Variants in CUBN observed in about 807,000 individuals in gnomAD.
CUBN encodes cubilin, also known as 460 kDa receptor.
CUBN carries 282 observed loss-of-function variants against 405.3 expected under a neutral mutation model. That is an observed-to-expected ratio of 0.70 (90% CI 0.63 to 0.77). The LOEUF is 0.77. Ranked by LOEUF, CUBN falls within the 30% of genes least tolerant of loss-of-function variation. The probability of loss-of-function intolerance (pLI) is 0.00; values close to 1 mark genes in which losing one functional copy is unlikely to be tolerated. For synonymous variants in CUBN, 1,684 were observed against 1,617.0 expected, an observed-to-expected ratio of 1.04 and a Z score of -0.99; for missense variants, 4,514 against 4,475.2, an observed-to-expected ratio of 1.01 and a Z score of -0.25.
At position 17,045,073 on chromosome 10, in the gene CUBN, T is replaced by C; in HGVS notation, c.3606A>G (p.Ala1202=). ...GAAAGTCTTTGAATTCCAGTTCAAA[T>C]GCGCTGCCGTGGCTAGATTTCAACC... ...YWWLKSSHGS[A]FELEFKDFHL... is the part of the protein sequence containing the mutation. The change falls in exon 25 of 67, where the codon GCA becomes GCG. Residue 1202 remains alanine, a synonymous_variant. Transcript: ENST00000377833. 6.2e-7 allele frequency: 1 copy of C among 1,614,094 alleles called. No individual in the cohort carries two copies. The highest frequency in any genetic ancestry group is 1.1e-5 in the South Asian group (1 of 91,078).
At chr10:16,851,998 CTCTA>C (rs1260621171) in intron 59 of CUBN, among the ~76,000 whole-genome samples, 1 of 125,092 alleles carries the variant, frequency 8.0e-6, no homozygotes, top group Non-Finnish European at 1.7e-5. Flanking sequence ...CCCTCCCTCC[CTCTA>C]TCTTTGCCTC....
rs1833349583 is a variant in CUBN, at chr10:16,983,989, C to T, written c.4525+116G>A. 3.5e-5 allele frequency: 41 copies of T among 1,169,376 alleles called. No individual in the cohort carries two copies. In the South Asian group the frequency reaches 3.8e-4, roughly 11 times the overall value. 72.4% of individuals were successfully genotyped at this position (1,169,376 alleles called of 1,614,324 possible). On this transcript the variant is annotated intron_variant, in intron 30 of 66. Transcript: ENST00000377833. Reference sequence around the variant, plus strand: ...ATATGTCAGGTCTCAGTAGGCTGCCCTTTGGGATGTCACTAAGTTATAAGT... The same window carrying T: ...ATATGTCAGGTCTCAGTAGGCTGCCTTTTGGGATGTCACTAAGTTATAAGT...
chr10:16,860,342 T>C (rs1456927794), intron 59 of CUBN, among the ~76,000 whole-genome samples: 1 of 152,094 alleles, frequency 6.6e-6, no homozygotes, highest in African/African-American at 2.4e-5. Flanking sequence ...AAGAAAGCTA[T>C]GGAAGTTATA....
chr10:16,837,345 A>C (rs1839203672), intron 62 of CUBN, among the ~76,000 whole-genome samples: 1 of 151,894 alleles, frequency 6.6e-6, no homozygotes, highest in South Asian at 2.1e-4. Context: ...CACATTCCTC[A>C]CTGCAGCTTC....
At chr10:16,918,427 G>A (rs550031239) in intron 45 of CUBN, among the ~76,000 whole-genome samples, 195 bp downstream of exon 45, 8 of 152,022 alleles carry the variant, frequency 5.3e-5, no homozygotes, top group Admixed American at 1.3e-4. Flanking sequence ...CCATGAGCAC[G>A]GAATTTTCTT....
chr10:17,014,033 G>A (rs993981639), intron 28 of CUBN, among the ~76,000 whole-genome samples: 19 of 152,286 alleles, frequency 1.2e-4, no homozygotes, highest in Admixed American at 6.5e-5. Context: ...CTGAAGCACT[G>A]GTCCCTCAAG....
At chr10:17,026,501 C>T (rs1222336079) in intron 27 of CUBN, among the ~76,000 whole-genome samples, 1 of 151,950 alleles carries the variant, frequency 6.6e-6, no homozygotes, top group East Asian at 1.9e-4. Context: ...GGTGTGGTGG[C>T]GTACGCCTGT....
Position 17,123,681 on chromosome 10 carries a change from G to C in CUBN, c.396C>G (p.Asp132Glu), listed in dbSNP as rs553801820. Residue 132 changes from aspartate to glutamate, a missense_variant, in exon 5 of 67, where the codon GAC (aspartate) becomes GAG (glutamate). Asp to Glu is a conservative substitution (Grantham distance 45). This residue lies in a region of CUBN where 1,448 missense variants were observed against 1,388.0 expected (regional missense o/e 1.04). Transcript: ENST00000377833. ...RKFQGLQQTV[D>E]KKVCSSNPCQ... ...AAGGATTGCTGCTGCAAACCTTTTTGTCAACAGTCTGAAACAAAAACAGGA... is the reference window on the plus strand; with the variant it reads ...AAGGATTGCTGCTGCAAACCTTTTTCTCAACAGTCTGAAACAAAAACAGGA... 3 of 1,613,298 alleles carry C rather than the reference G, an allele frequency of 1.9e-6. No homozygotes were observed. The African/African-American group carries it at 4.0e-5, about 22-fold the overall frequency.
At chr10:16,932,497 C>G (rs1477135778) in intron 40 of CUBN, among the ~76,000 whole-genome samples, 1 of 152,032 alleles carries the variant, frequency 6.6e-6, no homozygotes, top group Non-Finnish European at 1.5e-5. Context: ...TGCCTGTGTA[C>G]AAAGGAAAGA....
intron 31 of CUBN, among the ~76,000 whole-genome samples, chr10:16,980,094 T>G (rs1833220153): frequency 6.6e-6 from 1 of 151,906 alleles, no homozygotes; most frequent in Middle Eastern, 3.4e-3. Context: ...AAAAAAAAAG[T>G]TCACCATCAC....
In CUBN at chr10:17,103,246, G is replaced by T. The variant is rs779016475; in HGVS notation, c.1418-9C>A. The T allele has an allele frequency of 3.9e-6, 6 of 1,537,578 alleles. No homozygotes were observed. Among genetic ancestry groups the T allele is most frequent in the Non-Finnish European group, 5.4e-6 (6 of 1,110,424 alleles). ...GAGGGACTCTCCACAAACTGCAAAG[G>T]AAAAGATGAACTGTGCTTTTCAGAG... On this transcript the variant is annotated splice_polypyrimidine_tract_variant and intron_variant, in intron 12 of 66. Coordinates refer to ENST00000377833, the MANE Select transcript of CUBN (RefSeq NM_001081.4).
At position 17,111,606 on chromosome 10, in the gene CUBN, A is replaced by G. The variant is rs546119088; in HGVS notation, c.884-556T>C. Reference sequence around the variant, plus strand: ...CATTTGCATACACACACATTGAAAGAATTTTTGTATATACATTAATTAAAA... The same window carrying G: ...CATTTGCATACACACACATTGAAAGGATTTTTGTATATACATTAATTAAAA... On this transcript the variant is annotated intron_variant, in intron 8 of 66. Coordinates refer to ENST00000377833, the MANE Select transcript of CUBN (RefSeq NM_001081.4). Among the ~76,000 whole-genome samples the G allele has an allele frequency of 2.6e-5, 4 of 152,284 alleles. No homozygotes were observed. The South Asian group carries it at 8.3e-4, about 32-fold the overall frequency.
chr10:17,004,008 A>G (rs1833954937), intron 28 of CUBN, among the ~76,000 whole-genome samples: 1 of 152,180 alleles, frequency 6.6e-6, no homozygotes. Context: ...CTAGCCCAGG[A>G]GGTCTACGAA....
intron 60 of CUBN, among the ~76,000 whole-genome samples, chr10:16,847,538 T>C (rs1839553718): frequency 6.6e-6 from 1 of 152,238 alleles, no homozygotes; most frequent in Non-Finnish European, 1.5e-5. Flanking sequence ...TGTATGTTTT[T>C]TGTTTACATG....
chr10:16,970,165 A>G (rs898100468), intron 31 of CUBN, among the ~76,000 whole-genome samples: 2 of 152,248 alleles, frequency 1.3e-5, no homozygotes, highest in Non-Finnish European at 2.9e-5. Flanking sequence ...GTAATGAAGG[A>G]AACCCTGACC....
intron 29 of CUBN, among the ~76,000 whole-genome samples, chr10:16,986,703 A>T (rs905417201): frequency 1.3e-5 from 2 of 152,122 alleles, no homozygotes; most frequent in African/African-American, 2.4e-5. Context: ...GCAAGCTTGC[A>T]TGGTGTGTAG....
At chr10:17,119,282 C>T (rs1329566480) in intron 6 of CUBN, among the ~76,000 whole-genome samples, 1 of 152,182 alleles carries the variant, frequency 6.6e-6, no homozygotes, top group Non-Finnish European at 1.5e-5. Context: ...TTCTGGAAAG[C>T]CTTCTAGATC....
Position 16,940,247 on chromosome 10 carries a change from G to A in CUBN, c.5343-10C>T, listed in dbSNP as rs765290472. 15 of 1,611,356 alleles carry A rather than the reference G, an allele frequency of 9.3e-6. No homozygotes were observed. The Admixed American group carries it at 1.5e-4, about 16-fold the overall frequency. ...TTCCAACTGGAAAGATCTGATTTGGGGAAAAAAATATTTAAAGGGATTAAA... is the reference window on the plus strand; with the variant it reads ...TTCCAACTGGAAAGATCTGATTTGGAGAAAAAAATATTTAAAGGGATTAAA... On this transcript the variant is annotated splice_polypyrimidine_tract_variant and intron_variant, in intron 36 of 66. Transcript: ENST00000377833.
chr10:17,036,069 C>G (rs1834890802), intron 27 of CUBN, among the ~76,000 whole-genome samples: 1 of 152,048 alleles, frequency 6.6e-6, no homozygotes, highest in Non-Finnish European at 1.5e-5. Context: ...CCCCTGCTCA[C>G]AAGTTCTGCT....
Sources: gnomAD v4.1 joint callset for allele counts (sites outside exome capture counted in the v4.1 genomes callset) on GRCh38, gnomAD v4.1.1 for gene constraint, gnomAD v4.1.1 regional missense constraint, MANE v1.5 for transcripts, NCBI Gene and HGNC (gene_info 2026-07-23, HGNC 2026-07-21) for gene names.